The following KIAA1217 variants were observed in gnomAD, a reference collection of about 807,000 sequenced individuals.
KIAA1217 encodes sickle tail protein homolog.
A neutral mutation model predicts 163.9 loss-of-function variants in KIAA1217; 88 were observed. The observed-to-expected ratio is 0.54, with a 90% CI of 0.45 to 0.64. KIAA1217 has a LOEUF of 0.64. KIAA1217 is among the 30% of genes least tolerant of loss of function. The pLI is 0.00. For synonymous variants in KIAA1217, 903 were observed against 923.1 expected, an observed-to-expected ratio of 0.98 and a Z score of 0.39; for missense variants, 2,372 against 2,475.0, an observed-to-expected ratio of 0.96 and a Z score of 0.88.
At chr10:23,895,865 C>A (rs1415850965) in intron 1 of KIAA1217, among the ~76,000 whole-genome samples, 9 of 151,402 alleles carry the variant, frequency 5.9e-5, no homozygotes, top group Admixed American at 5.9e-4. Flanking sequence ...AATTGGAAAT[C>A]ATCATTCTCA....
At chr10:24,024,102 T>G (rs1410925152) in intron 2 of KIAA1217, among the ~76,000 whole-genome samples, 1 of 151,646 alleles carries the variant, frequency 6.6e-6, no homozygotes, top group Non-Finnish European at 1.5e-5. Context: ...ATTTTAAATG[T>G]TAAAATCTCC....
chr10:23,993,190 C>T (rs1406993265), intron 1 of KIAA1217, among the ~76,000 whole-genome samples: 1 of 151,902 alleles, frequency 6.6e-6, no homozygotes, highest in Non-Finnish European at 1.5e-5. Flanking sequence ...AGCCACCACA[C>T]CCGGCTAATT....
At chr10:24,022,413 C>G (rs965986426) in intron 2 of KIAA1217, among the ~76,000 whole-genome samples, 5 of 151,544 alleles carry the variant, frequency 3.3e-5, no homozygotes, top group Non-Finnish European at 4.4e-5. Flanking sequence ...ATACAATTAC[C>G]CACCTATTAG....
chr10:24,436,706 C>T (rs533599903), intron 4 of KIAA1217, among the ~76,000 whole-genome samples: 30 of 133,918 alleles, frequency 2.2e-4, no homozygotes, highest in Non-Finnish European at 3.2e-4. Context: ...CACAGTGAGC[C>T]GAGACGGTGC....
At chr10:24,039,797 G>GATAGATATAGATATAGATATGGAT (rs1848550860) in intron 2 of KIAA1217, among the ~76,000 whole-genome samples, 1 of 147,524 alleles carries the variant, frequency 6.8e-6, no homozygotes, top group Admixed American at 6.8e-5. Context: ...TATAGATATA[G>GATAGATATAGATATAGATATGGAT]ATAGATATAG....
intron 2 of KIAA1217, among the ~76,000 whole-genome samples, chr10:24,246,098 C>T (rs865859758): frequency 1.3e-5 from 2 of 152,140 alleles, no homozygotes; most frequent in East Asian, 1.9e-4. Context: ...TTATTATTTG[C>T]ATCCTTTTTT....
chr10:23,791,683 T>C (rs1835957127), intron 1 of KIAA1217, among the ~76,000 whole-genome samples: 1 of 152,218 alleles, frequency 6.6e-6, no homozygotes, highest in South Asian at 2.1e-4. Flanking sequence ...ATGTGGTGTA[T>C]ACCATAGTAA....
intron 2 of KIAA1217, among the ~76,000 whole-genome samples, chr10:24,375,927 T>A (rs2052420172): frequency 6.6e-6 from 1 of 152,220 alleles, no homozygotes; most frequent in Admixed American, 6.5e-5. Context: ...ATTTAGGGTT[T>A]AAGGGTCTGA....
intron 6 of KIAA1217, among the ~76,000 whole-genome samples, chr10:24,492,433 G>A (rs1173482874): frequency 6.6e-6 from 1 of 152,172 alleles, no homozygotes; most frequent in Non-Finnish European, 1.5e-5. Context: ...TCACTCCGTG[G>A]AGATATATTT....
chr10:23,978,049 C>G (rs1284744737), intron 1 of KIAA1217, among the ~76,000 whole-genome samples: 1 of 152,158 alleles, frequency 6.6e-6, no homozygotes, highest in Non-Finnish European at 1.5e-5. Flanking sequence ...CTTCCACTCT[C>G]CATTTTAAAA....
At chr10:24,075,122 A>G (rs1286348188) in intron 2 of KIAA1217, among the ~76,000 whole-genome samples, 8 of 71,672 alleles carry the variant, frequency 1.1e-4, no homozygotes, top group African/African-American at 7.9e-4. Flanking sequence ...CCCTAAATAC[A>G]CACACACACA....
chr10:24,373,355 C>T (rs549173607), intron 2 of KIAA1217, among the ~76,000 whole-genome samples: 18 of 152,246 alleles, frequency 1.2e-4, no homozygotes, highest in Admixed American at 6.5e-4. Flanking sequence ...GGAACTTCCT[C>T]CTTTCCCCTT....
chr10:24,468,597 C>G (rs549660573), intron 5 of KIAA1217, among the ~76,000 whole-genome samples: 34 of 152,162 alleles, frequency 2.2e-4, no homozygotes, highest in African/African-American at 7.7e-4. Context: ...TTTCGGTGAC[C>G]CTTTTGGATG....
At chr10:23,834,642 G>A (rs1470946343) in intron 1 of KIAA1217, among the ~76,000 whole-genome samples, 5 of 152,152 alleles carry the variant, frequency 3.3e-5, no homozygotes, top group Non-Finnish European at 5.9e-5. Flanking sequence ...CATTAAAATG[G>A]CAAGGGGGCA....
At chr10:24,276,921 T>A (rs937274768) in intron 2 of KIAA1217, among the ~76,000 whole-genome samples, 3 of 146,042 alleles carry the variant, frequency 2.1e-5, no homozygotes, top group Non-Finnish European at 3.1e-5. Context: ...TCCAGCTAAT[T>A]AAAAAAAAAA....
intron 1 of KIAA1217, among the ~76,000 whole-genome samples, chr10:23,772,683 A>G (rs537942742): frequency 6.6e-6 from 1 of 152,316 alleles, no homozygotes; most frequent in African/African-American, 2.4e-5. Flanking sequence ...GCGAACTATT[A>G]GAGATATTGC....
At chr10:24,209,524 G>A (rs531751252) in intron 1 of KIAA1217, among the ~76,000 whole-genome samples, 1 of 152,204 alleles carries the variant, frequency 6.6e-6, no homozygotes, top group Non-Finnish European at 1.5e-5. Flanking sequence ...TGAGCCATCA[G>A]CATGAGCTGT....
At chr10:24,212,147 AACAAG>A (rs1424654590) in intron 1 of KIAA1217, among the ~76,000 whole-genome samples, 1 of 152,156 alleles carries the variant, frequency 6.6e-6, no homozygotes, top group Non-Finnish European at 1.5e-5. Flanking sequence ...AGAAAAGACA[AACAAG>A]ACAAGACAAA....
At chr10:23,728,596 C>T (rs958035234) in intron 1 of KIAA1217, among the ~76,000 whole-genome samples, 1 of 151,810 alleles carries the variant, frequency 6.6e-6, no homozygotes, top group African/African-American at 2.4e-5. Flanking sequence ...AAAGTTTTCT[C>T]CCATTCTGTA....
Sources: allele counts gnomAD v4.1 joint callset (sites outside exome capture counted in the v4.1 genomes callset), GRCh38; gene constraint gnomAD v4.1.1; transcripts MANE v1.5; gene names NCBI Gene and HGNC (gene_info 2026-07-23, HGNC 2026-07-21).